BTD: variants seen among roughly 807,000 people sequenced by gnomAD.
BTD encodes the protein biotinidase.
Under a neutral mutation model 17.7 loss-of-function variants are expected in BTD, and 13 were observed. The ratio of observed to expected loss-of-function variants is 0.74; its 90% CI spans 0.48 to 1.17. BTD has a LOEUF of 1.17. BTD is among the 50% of genes most tolerant of loss of function. The probability of loss-of-function intolerance (pLI) is 0.00; values close to 1 mark genes in which losing one functional copy is unlikely to be tolerated. For synonymous variants in BTD, 240 were observed against 245.2 expected (o/e 0.98, Z 0.20); for missense variants, 674 against 650.4 (o/e 1.04, Z -0.39).
chr3:15,624,025 A>G (rs932515219), intron 1 of BTD, among the ~76,000 whole-genome samples: 2 of 152,146 alleles, frequency 1.3e-5, no homozygotes, highest in Non-Finnish European at 2.9e-5. Flanking sequence ...CAACACTTTA[A>G]ATATTTCACA....
Position 15,635,643 on chromosome 3 carries a change from G to C in BTD, c.204G>C (p.Gln68His), listed in dbSNP as rs781457122. ...SRQEALELMN[Q>H]NLDIYEQQVM... ...AAGAGGCCTTGGAGCTCATGAACCA[G>C]AACCTTGACATCTATGAACAGCAAG... Residue 68 changes from glutamine to histidine, a missense_variant, in exon 2 of 4, where the codon CAG (glutamine) becomes CAC (histidine). Physicochemically the swap from Gln to His is conservative, Grantham distance 24. Transcript: ENST00000643237. The surrounding 1 kb of genome is among the most constrained non-coding windows in gnomAD (Gnocchi z 4.1). 1.0e-4 allele frequency: 165 copies of C among 1,614,090 alleles called. No individual in the cohort carries two copies. Among genetic ancestry groups the C allele is most frequent in the Non-Finnish European group, 1.4e-4 (161 of 1,180,046 alleles).
intron 3 of BTD, chr3:15,686,010 G>A (rs2068082560): frequency 6.2e-7 from 1 of 1,612,920 alleles, no homozygotes; most frequent in African/African-American, 1.3e-5. Context: ...ACCCCTCTAT[G>A]CAACGCTGTC....
intron 3 of BTD, chr3:15,675,908 T>A (rs2066888571): frequency 6.2e-7 from 1 of 1,608,970 alleles, no homozygotes; most frequent in Non-Finnish European, 8.5e-7. Flanking sequence ...CATTTTCATC[T>A]ACTGCAAGCA....
chr3:15,662,885 T>C (rs2065939457), intron 3 of BTD, among the ~76,000 whole-genome samples: 1 of 151,602 alleles, frequency 6.6e-6, no homozygotes, highest in African/African-American at 2.4e-5. Context: ...AGATGTTCTT[T>C]ATCTAGTTGA....
intron 1 of BTD, among the ~76,000 whole-genome samples, chr3:15,610,588 G>A (rs905366252): frequency 1.3e-5 from 2 of 152,098 alleles, no homozygotes; most frequent in African/African-American, 2.4e-5. Context: ...TGTCAAGCTC[G>A]CATATTTATG....
downstream of BTD, among the ~76,000 whole-genome samples, chr3:15,712,983 T>C (rs2072521019): frequency 6.6e-6 from 1 of 152,204 alleles, no homozygotes; most frequent in African/African-American, 2.4e-5. Context: ...AATTTAAGTA[T>C]GGTGTTTCTT....
intron 4 of BTD, chr3:15,720,891 A>T (rs775980188): frequency 1.2e-6 from 2 of 1,602,658 alleles, no homozygotes; most frequent in Admixed American, 3.4e-5. Context: ...TGAAATACTT[A>T]TAGATTCTGA....
intron 1 of BTD, among the ~76,000 whole-genome samples, chr3:15,623,725 C>T (rs2065004874): frequency 1.3e-5 from 2 of 152,158 alleles, no homozygotes; most frequent in Non-Finnish European, 2.9e-5. Context: ...AGTGTTGTGT[C>T]ATGATAGAGT....
chr3:15,631,596 T>A, intron 1 of BTD: 2 of 1,067,334 alleles, frequency 1.9e-6, no homozygotes, highest in South Asian at 2.8e-5. Flanking sequence ...TTTTTCCTAT[T>A]AGATGGAAAG....
chr3:15,690,149 A>G, intron 3 of BTD: 1 of 1,609,506 alleles, frequency 6.2e-7, no homozygotes, highest in Non-Finnish European at 8.5e-7. Context: ...TTCTTCCACT[A>G]CTATTTCTGA....
intron 1 of BTD, among the ~76,000 whole-genome samples, chr3:15,626,497 A>G (rs1157994141): frequency 6.6e-6 from 1 of 152,212 alleles, no homozygotes; most frequent in East Asian, 1.9e-4. Flanking sequence ...GTAAAGCTGT[A>G]GGACAGAGGC....
chr3:15,694,870 T>G, intron 3 of BTD: 24 of 1,491,978 alleles, frequency 1.6e-5, no homozygotes, highest in Non-Finnish European at 2.1e-5. Flanking sequence ...AATTATTCTC[T>G]CCCACCCACC....
chr3:15,619,591 GT>G (rs750260080), intron 1 of BTD, among the ~76,000 whole-genome samples: 1 of 152,152 alleles, frequency 6.6e-6, no homozygotes, highest in Non-Finnish European at 1.5e-5. Context: ...AGTCATTGTG[GT>G]TTTTGCCATT....
At chr3:15,610,394 G>A (rs185140616) in intron 1 of BTD, among the ~76,000 whole-genome samples, 2 of 152,352 alleles carry the variant, frequency 1.3e-5, no homozygotes, top group East Asian at 3.9e-4. Flanking sequence ...AGCAAGTTAT[G>A]TGGCTGGGCT....
chr3:15,718,734 A>G (rs1193362189), intron 4 of BTD, among the ~76,000 whole-genome samples: 1 of 152,232 alleles, frequency 6.6e-6, no homozygotes, highest in Non-Finnish European at 1.5e-5. Flanking sequence ...AATTTCCATA[A>G]TACTAACACA....
At chr3:15,715,340 A>G (rs1021725103), downstream of BTD, among the ~76,000 whole-genome samples, 1 of 152,246 alleles carries the variant, frequency 6.6e-6, no homozygotes, top group Non-Finnish European at 1.5e-5. Context: ...AGCAACATTC[A>G]GCATGCCTTC....
At chr3:15,654,432 C>T (rs1438241449), downstream of BTD, among the ~76,000 whole-genome samples, 3 of 152,024 alleles carry the variant, frequency 2.0e-5, no homozygotes, top group Non-Finnish European at 4.4e-5. Flanking sequence ...AGTCACACCT[C>T]ATATCCAAGC....
chr3:15,659,226 G>A (rs933034113), intron 3 of BTD, among the ~76,000 whole-genome samples: 1 of 152,094 alleles, frequency 6.6e-6, no homozygotes, highest in African/African-American at 2.4e-5. Flanking sequence ...AGGGTTCCTG[G>A]TGCAGTTTGA....
exon 4 of BTD, among the ~76,000 whole-genome samples, chr3:15,712,534 T>G (rs892268783): frequency 4.6e-5 from 7 of 152,218 alleles, no homozygotes; most frequent in African/African-American, 1.7e-4. Flanking sequence ...CCAATGGATG[T>G]CATTAACATT....
Sources: allele counts gnomAD v4.1 joint callset (sites outside exome capture counted in the v4.1 genomes callset), GRCh38; gene constraint gnomAD v4.1.1; non-coding constraint Gnocchi (gnomAD v3.1); transcripts MANE v1.5; gene names NCBI Gene and HGNC (gene_info 2026-07-23, HGNC 2026-07-21).